The following SPTLC1 variants were observed in gnomAD, a reference collection of about 807,000 sequenced individuals.
The protein encoded by SPTLC1 is serine palmitoyltransferase 1.
Under a neutral mutation model 68.9 loss-of-function variants are expected in SPTLC1, and 55 were observed. The observed-to-expected ratio is 0.80, with a 90% confidence interval of 0.64 to 1.00. SPTLC1 has a LOEUF of 1.00. Ranked by LOEUF, SPTLC1 falls within the 50% of genes least tolerant of loss-of-function variation. The pLI is 0.00. For missense variants in SPTLC1, 449 were observed against 573.1 expected (o/e 0.78, Z 2.21); for synonymous variants, 197 against 201.6 (o/e 0.98, Z 0.19).
intron 8 of SPTLC1, among the ~76,000 whole-genome samples, chr9:92,051,750 T>A (rs1232618395): frequency 6.6e-6 from 1 of 152,198 alleles, no homozygotes; most frequent in African/African-American, 2.4e-5. Context: ...AGCTAATAAA[T>A]TCAGCAGAAG....
At chr9:92,045,972 T>C (rs758333384) in intron 12 of SPTLC1, 27 bp downstream of exon 12, 16 of 1,602,562 alleles carry the variant, frequency 1.0e-5, no homozygotes, top group East Asian at 6.7e-5. Flanking sequence ...ATAAACTTTA[T>C]GTTGGTTGAA....
At chr9:92,098,417 A>G (rs1418824617) in intron 3 of SPTLC1, among the ~76,000 whole-genome samples, 1 of 152,082 alleles carries the variant, frequency 6.6e-6, no homozygotes, top group Non-Finnish European at 1.5e-5. Flanking sequence ...AGAGCTCAGT[A>G]AAGATTTTTG....
In SPTLC1 at chr9:92,067,950, C is replaced by G. The variant is rs73512337; in HGVS notation, c.560+16G>C. On this transcript the variant is annotated intron_variant, in intron 6 of 14. Transcript: ENST00000262554. ...CAAAGGAACTGCTATTAGAAAACTA[C>G]GTAAAGTTTACTTACACAAAAACAA... 165,103 of 1,612,380 alleles carry G rather than the reference C, an allele frequency of 0.1. 10,968 individuals carry two copies. Among genetic ancestry groups the G allele is most frequent in the African/African-American group, 0.33 (24,870 of 74,540 alleles).
chr9:92,061,921 A>G (rs1834120151), intron 6 of SPTLC1, among the ~76,000 whole-genome samples: 1 of 152,216 alleles, frequency 6.6e-6, no homozygotes. Flanking sequence ...AGAAACACAA[A>G]GTAGAGTGAA....
At chr9:92,088,533 C>A (rs2118728721) in intron 3 of SPTLC1, among the ~76,000 whole-genome samples, 1 of 152,278 alleles carries the variant, frequency 6.6e-6, no homozygotes. Flanking sequence ...CAGGTATTGG[C>A]AGTCACAAAA....
chr9:92,063,468 T>C (rs1254301527), intron 6 of SPTLC1, among the ~76,000 whole-genome samples: 1 of 152,094 alleles, frequency 6.6e-6, no homozygotes, highest in African/African-American at 2.4e-5. Context: ...TCTATACAAA[T>C]AGCTCCACAA....
chr9:92,091,602 C>T (rs1835363656), intron 3 of SPTLC1, among the ~76,000 whole-genome samples: 1 of 152,174 alleles, frequency 6.6e-6, no homozygotes, highest in African/African-American at 2.4e-5. Context: ...TTGGCCATTT[C>T]TTATACATCC....
chr9:92,073,033 C>T (rs1218924902), intron 5 of SPTLC1, among the ~76,000 whole-genome samples: 1 of 151,920 alleles, frequency 6.6e-6, no homozygotes, highest in East Asian at 1.9e-4. Context: ...CTTTACGTCC[C>T]TCCCATTACC....
chr9:92,051,239 C>A (rs1480867570), intron 8 of SPTLC1: 1 of 983,680 alleles, frequency 1.0e-6, no homozygotes, highest in East Asian at 1.1e-4. Context: ...ACATATGGAA[C>A]CCTTATTTTG....
intron 6 of SPTLC1, among the ~76,000 whole-genome samples, chr9:92,060,173 C>G (rs1480998837): frequency 6.6e-6 from 1 of 152,204 alleles, no homozygotes; most frequent in Non-Finnish European, 1.5e-5. Context: ...TATGAGGCAG[C>G]AGTCCCCTAG....
intron 9 of SPTLC1, 117 bp downstream of exon 9, chr9:92,049,843 G>T: frequency 1.2e-6 from 1 of 805,762 alleles, no homozygotes; most frequent in Non-Finnish European, 2.2e-6. Flanking sequence ...CCAAAGTTTC[G>T]TGACCCTTCA....
At chr9:92,108,702 G>A (rs1490115543) in intron 3 of SPTLC1, 38 bp downstream of exon 3, 4 of 1,579,832 alleles carry the variant, frequency 2.5e-6, no homozygotes, top group Non-Finnish European at 1.7e-6. Flanking sequence ...ACTACAAGAA[G>A]CCAAATACAA....
At chr9:92,071,663 T>C (rs1163745287) in intron 5 of SPTLC1, among the ~76,000 whole-genome samples, 1 of 152,098 alleles carries the variant, frequency 6.6e-6, no homozygotes, top group African/African-American at 2.4e-5. Context: ...TATGACCAAA[T>C]TGTAAGGTCC....
chr9:92,046,842 A>G (rs766526331), intron 11 of SPTLC1, among the ~76,000 whole-genome samples: 4 of 152,232 alleles, frequency 2.6e-5, no homozygotes, highest in Non-Finnish European at 5.9e-5. Flanking sequence ...TCAAAAAACT[A>G]TTAACCAAAT....
At chr9:92,082,137 T>A (rs1834907294) in intron 3 of SPTLC1, among the ~76,000 whole-genome samples, 1 of 152,158 alleles carries the variant, frequency 6.6e-6, no homozygotes, top group East Asian at 1.9e-4. Context: ...AGAGTCTACC[T>A]CTCAGGGAAA....
At chr9:92,047,046 G>A in intron 11 of SPTLC1, 126 bp downstream of exon 11, 2 of 811,534 alleles carry the variant, frequency 2.5e-6, no homozygotes, top group Non-Finnish European at 4.3e-6. Context: ...TTCTTCCTAT[G>A]AATGCCATAT....
chr9:92,068,477 T>C (rs1303375041), intron 5 of SPTLC1, among the ~76,000 whole-genome samples: 1 of 152,200 alleles, frequency 6.6e-6, no homozygotes, highest in Non-Finnish European at 1.5e-5. Context: ...AATGTCTGTT[T>C]GCATTTTAGC....
At chr9:92,052,812 G>A (rs551919721) in intron 8 of SPTLC1, among the ~76,000 whole-genome samples, 8 of 151,986 alleles carry the variant, frequency 5.3e-5, no homozygotes, top group African/African-American at 7.2e-5. Flanking sequence ...GATTACAGGC[G>A]TGAGCCACCG....
intron 11 of SPTLC1, among the ~76,000 whole-genome samples, chr9:92,046,575 T>A (rs78322208): frequency 0.052 from 7,896 of 152,244 alleles, 264 homozygotes; most frequent in Middle Eastern, 0.065. Context: ...GTATCAGTGA[T>A]GAAGATTCAG....
Sources: gnomAD v4.1 joint callset for allele counts (sites outside exome capture counted in the v4.1 genomes callset) on GRCh38, gnomAD v4.1.1 for gene constraint, MANE v1.5 for transcripts, NCBI Gene and HGNC (gene_info 2026-07-23, HGNC 2026-07-21) for gene names.